SPOCK1: variants seen among roughly 807,000 people sequenced by gnomAD.
SPOCK1 encodes the protein SPARC (osteonectin), cwcv and kazal like domains proteoglycan 1.
A neutral mutation model predicts 55.3 loss-of-function variants in SPOCK1; 23 were observed. The ratio of observed to expected loss-of-function variants is 0.42; its 90% CI spans 0.30 to 0.59. SPOCK1 has a LOEUF of 0.59. Among genes scored for constraint, SPOCK1 ranks in the 20% least tolerant of loss-of-function variants. The pLI, the probability that SPOCK1 is intolerant of heterozygous loss-of-function variation, is 0.22. For missense variants in SPOCK1, 499 were observed against 552.5 expected (o/e 0.90, Z 0.97); for synonymous variants, 226 against 221.0 (o/e 1.02, Z -0.20).
intron 2 of SPOCK1, among the ~76,000 whole-genome samples, chr5:137,436,517 C>T (rs530949830): frequency 6.6e-6 from 1 of 152,246 alleles, no homozygotes; most frequent in South Asian, 2.1e-4. Context: ...CATTTGAGTA[C>T]ATTTTATATC....
intron 2 of SPOCK1, among the ~76,000 whole-genome samples, chr5:137,381,744 T>G (rs572551803): frequency 6.6e-6 from 1 of 152,280 alleles, no homozygotes; most frequent in East Asian, 1.9e-4. Flanking sequence ...CAAAATCATT[T>G]TTTCCTCCTT....
At chr5:137,452,279 G>A (rs563265787) in intron 2 of SPOCK1, among the ~76,000 whole-genome samples, 26 of 152,140 alleles carry the variant, frequency 1.7e-4, no homozygotes, top group Non-Finnish European at 2.6e-4. Flanking sequence ...ATGATTAGAT[G>A]AGCTTTTTTG....
At chr5:137,024,914 T>C (rs1751642188) in intron 6 of SPOCK1, among the ~76,000 whole-genome samples, 1 of 152,204 alleles carries the variant, frequency 6.6e-6, no homozygotes, top group Non-Finnish European at 1.5e-5. Context: ...ATATAATGGA[T>C]TATTATTCAG....
intron 2 of SPOCK1, among the ~76,000 whole-genome samples, chr5:137,410,415 C>T (rs532874024): frequency 6.6e-6 from 1 of 152,292 alleles, no homozygotes; most frequent in South Asian, 2.1e-4. Context: ...TTTATCATGA[C>T]AACAGAGCCT....
At chr5:137,142,038 C>T (rs1754108376) in intron 3 of SPOCK1, among the ~76,000 whole-genome samples, 1 of 152,176 alleles carries the variant, frequency 6.6e-6, no homozygotes, top group Admixed American at 6.5e-5. Context: ...AGCAATTGTG[C>T]CATCTTCAAG....
chr5:137,173,635 G>A (rs1754797051), intron 3 of SPOCK1, among the ~76,000 whole-genome samples: 1 of 152,144 alleles, frequency 6.6e-6, no homozygotes, highest in African/African-American at 2.4e-5. Flanking sequence ...ATACAAATCG[G>A]TATTTCTTGA....
At chr5:137,490,443 G>A (rs1389262931) in intron 2 of SPOCK1, among the ~76,000 whole-genome samples, 1 of 152,152 alleles carries the variant, frequency 6.6e-6, no homozygotes, top group African/African-American at 2.4e-5. Flanking sequence ...CAAATTATGG[G>A]CACCAGACAT....
chr5:137,158,837 AATGACCTGGTCCACAGAGGATGGG>A (rs1754470844), intron 3 of SPOCK1, among the ~76,000 whole-genome samples: 1 of 152,080 alleles, frequency 6.6e-6, no homozygotes, highest in Non-Finnish European at 1.5e-5. Context: ...GGATGAGGTG[AATGACCTGGTCCACAGAGGATGGG>A]ATCTCCTAAA....
intron 2 of SPOCK1, among the ~76,000 whole-genome samples, chr5:137,270,647 C>A (rs1425048918): frequency 6.6e-6 from 1 of 152,202 alleles, no homozygotes; most frequent in Non-Finnish European, 1.5e-5. Context: ...GAGGCCCAAA[C>A]TTAAGCATAC....
chr5:137,098,885 T>C (rs1250185832), intron 5 of SPOCK1, among the ~76,000 whole-genome samples: 1 of 152,188 alleles, frequency 6.6e-6, no homozygotes, highest in Non-Finnish European at 1.5e-5. Context: ...AGACCTGCTC[T>C]GCAACCTCAG....
chr5:136,983,834 A>G (rs1459485079), intron 9 of SPOCK1, among the ~76,000 whole-genome samples: 1 of 152,240 alleles, frequency 6.6e-6, no homozygotes, highest in African/African-American at 2.4e-5. Flanking sequence ...TGATAAAGCA[A>G]GCTTTAAAAC....
intron 5 of SPOCK1, among the ~76,000 whole-genome samples, chr5:137,069,463 A>T (rs906081310): frequency 4.6e-5 from 7 of 152,178 alleles, no homozygotes; most frequent in Non-Finnish European, 8.8e-5. Flanking sequence ...AGCAAAAAAG[A>T]GTGTGTCCTT....
intron 3 of SPOCK1, among the ~76,000 whole-genome samples, chr5:137,260,329 G>T (rs560609607): frequency 3.9e-5 from 6 of 152,270 alleles, no homozygotes; most frequent in African/African-American, 1.4e-4. Flanking sequence ...TGAATTAATT[G>T]TGATATATTA....
At chr5:137,281,521 T>A (rs1417438028) in intron 2 of SPOCK1, among the ~76,000 whole-genome samples, 1 of 152,218 alleles carries the variant, frequency 6.6e-6, no homozygotes, top group Non-Finnish European at 1.5e-5. Context: ...TATTAAGAAA[T>A]GAAAGATCTG....
intron 2 of SPOCK1, among the ~76,000 whole-genome samples, chr5:137,431,088 G>A (rs934723181): frequency 6.6e-6 from 1 of 152,194 alleles, no homozygotes; most frequent in African/African-American, 2.4e-5. Flanking sequence ...AAGCAATGAG[G>A]GAGCCATACG....
rs1011709597 is a variant in SPOCK1, at chr5:137,171,015, T to C, written c.233-30321A>G. On this transcript the variant is annotated intron_variant, in intron 3 of 10. Transcript: ENST00000394945. ...TTAACCAGGTGAGAGACTGTCCCCATAGCAGGGATATAAATACACATGTTC... is the reference window on the plus strand; with the variant it reads ...TTAACCAGGTGAGAGACTGTCCCCACAGCAGGGATATAAATACACATGTTC... Among the ~76,000 whole-genome samples, 49 of 152,006 alleles carry C rather than the reference T, an allele frequency of 3.2e-4. 1 individual carries two copies. The highest frequency in any genetic ancestry group is 6.8e-4 in the Non-Finnish European group (46 of 67,990).
intron 3 of SPOCK1, among the ~76,000 whole-genome samples, chr5:137,198,264 G>A (rs972685867): frequency 2.0e-5 from 3 of 152,212 alleles, no homozygotes; most frequent in Admixed American, 6.5e-5. Context: ...TGCAATGAAT[G>A]CATTTCTGCA....
At chr5:137,010,268 T>C (rs1216644148) in intron 6 of SPOCK1, among the ~76,000 whole-genome samples, 4 of 152,054 alleles carry the variant, frequency 2.6e-5, no homozygotes, top group Admixed American at 1.3e-4. Context: ...AGAATGTGAA[T>C]ACTTAAGTGA....
At chr5:137,326,587 T>C (rs1758081648) in intron 2 of SPOCK1, among the ~76,000 whole-genome samples, 1 of 152,252 alleles carries the variant, frequency 6.6e-6, no homozygotes, top group Non-Finnish European at 1.5e-5. Context: ...CAGGAATTTA[T>C]CTACAGCTGA....
Sources: allele counts gnomAD v4.1 joint callset (sites outside exome capture counted in the v4.1 genomes callset), GRCh38; gene constraint gnomAD v4.1.1; transcripts MANE v1.5; gene names NCBI Gene and HGNC (gene_info 2026-07-23, HGNC 2026-07-21).